The following GRAMD1B variants were observed in gnomAD, a reference collection of about 807,000 sequenced individuals.
GRAMD1B encodes protein Aster-B.
A neutral mutation model predicts 99.7 loss-of-function variants in GRAMD1B; 37 were observed. That is an observed-to-expected ratio of 0.37 (90% CI 0.29 to 0.49). GRAMD1B has a LOEUF of 0.49. Ranked by LOEUF, GRAMD1B falls within the 20% of genes least tolerant of loss-of-function variation. The probability of loss-of-function intolerance (pLI) is 0.98; values close to 1 mark genes in which losing one functional copy is unlikely to be tolerated. For missense variants in GRAMD1B, 888 were observed against 1,009.2 expected (o/e 0.88, Z 1.63); for synonymous variants, 427 against 387.6 (o/e 1.10, Z -1.19).
At chr11:123,482,440 A>G (rs543675379) in intron 2 of GRAMD1B, among the ~76,000 whole-genome samples, 2 of 152,272 alleles carry the variant, frequency 1.3e-5, no homozygotes, top group African/African-American at 4.8e-5. Context: ...GATCTTGTAT[A>G]TTTATGTTAG....
At chr11:123,513,100 A>G (rs976740600) in intron 2 of GRAMD1B, among the ~76,000 whole-genome samples, 2 of 152,176 alleles carry the variant, frequency 1.3e-5, no homozygotes, top group Non-Finnish European at 2.9e-5. Flanking sequence ...TTTCAATATC[A>G]CTTTTTAAAT....
chr11:123,397,223 G>A (rs1461496762), intron 1 of GRAMD1B, among the ~76,000 whole-genome samples: 1 of 152,062 alleles, frequency 6.6e-6, no homozygotes, highest in Non-Finnish European at 1.5e-5. Flanking sequence ...GGCCAACATG[G>A]CGAAATGCCA....
At chr11:123,503,920 A>T (rs1259937084) in intron 2 of GRAMD1B, among the ~76,000 whole-genome samples, 3 of 152,146 alleles carry the variant, frequency 2.0e-5, no homozygotes, top group African/African-American at 7.2e-5. Flanking sequence ...TATTATTATG[A>T]CCTCCATTTT....
chr11:123,575,525 G>A (rs917799044), intron 2 of GRAMD1B, among the ~76,000 whole-genome samples: 1 of 152,120 alleles, frequency 6.6e-6, no homozygotes, highest in Non-Finnish European at 1.5e-5. Flanking sequence ...TGGGACTAGA[G>A]GGTAGAGGTC....
intron 17 of GRAMD1B, among the ~76,000 whole-genome samples, chr11:123,616,429 G>A (rs566302195): frequency 6.6e-6 from 1 of 152,352 alleles, no homozygotes; most frequent in Admixed American, 6.5e-5. Flanking sequence ...TAAATCTCTT[G>A]TATTGGATTT....
intron 7 of GRAMD1B, among the ~76,000 whole-genome samples, chr11:123,596,858 G>T (rs1951336055): frequency 6.6e-6 from 1 of 152,194 alleles, no homozygotes; most frequent in Non-Finnish European, 1.5e-5. Context: ...GCAGATCAGT[G>T]CCTTCCTGGG....
chr11:123,403,636 C>T (rs187340746), intron 1 of GRAMD1B, among the ~76,000 whole-genome samples: 112 of 151,636 alleles, frequency 7.4e-4, no homozygotes, highest in African/African-American at 2.5e-3. Context: ...CTCTGCCTCC[C>T]GGGTTCAAGC....
chr11:123,483,158 A>AG lies in GRAMD1B; in HGVS notation c.452+2267dup, dbSNP rs1385071615. Among the ~76,000 whole-genome samples the AG allele has an allele frequency of 3.0e-4, 46 of 152,312 alleles. 2 individuals carry two copies. The highest frequency in any genetic ancestry group is 1.1e-3 in the African/African-American group (45 of 41,568). On this transcript the variant is annotated intron_variant, in intron 2 of 19. Transcript: ENST00000635736. Reference sequence around the variant, plus strand: ...AAGTCAGTGAGAAGGATTGCAGCTCAGGATAAGAAAGCACTCTTCCATGAT... The same window carrying AG: ...AAGTCAGTGAGAAGGATTGCAGCTCAGGGATAAGAAAGCACTCTTCCATGAT...
intron 4 of GRAMD1B, among the ~76,000 whole-genome samples, chr11:123,586,555 C>T (rs985114285): frequency 1.3e-5 from 2 of 152,226 alleles, no homozygotes; most frequent in Non-Finnish European, 2.9e-5. Context: ...CCTCGGGTGA[C>T]AGGGCACCCT....
At chr11:123,598,467 T>G in intron 7 of GRAMD1B, 1 of 1,026,284 alleles carries the variant, frequency 9.7e-7, no homozygotes, top group Admixed American at 1.7e-5. Context: ...CTCTACGTAT[T>G]CATAGATTTG....
At chr11:123,593,267 T>C (rs568879047) in intron 4 of GRAMD1B, among the ~76,000 whole-genome samples, 1 of 148,490 alleles carries the variant, frequency 6.7e-6, no homozygotes, top group East Asian at 1.9e-4. Flanking sequence ...ACAAACAAGA[T>C]TGTAAGCCCT....
rs112239933 is a variant in GRAMD1B, at chr11:123,550,536, C to T, written c.453-26831C>T. 4.4e-3 allele frequency among the ~76,000 whole-genome samples: 672 copies of T among 152,238 alleles called. 5 individuals carry two copies. The highest frequency in any genetic ancestry group is 0.014 in the African/African-American group (569 of 41,536). The stretch of plus-strand genomic sequence containing the variant: ...GCCCTGCTAACTGGCAAAGCCGGCT[C>T]GTTGTCTCTGGTTTAAAGGAAGAGT... On this transcript the variant is annotated intron_variant, in intron 2 of 19. Coordinates refer to ENST00000635736, the MANE Select transcript of GRAMD1B (RefSeq NM_001387025.1).
intron 1 of GRAMD1B, among the ~76,000 whole-genome samples, chr11:123,470,056 A>C (rs975384705): frequency 6.6e-6 from 1 of 152,184 alleles, no homozygotes; most frequent in African/African-American, 2.4e-5. Flanking sequence ...CTAATGACAT[A>C]GATAAGGACA....
At chr11:123,424,966 G>C (rs532649336) in intron 1 of GRAMD1B, among the ~76,000 whole-genome samples, 1 of 152,176 alleles carries the variant, frequency 6.6e-6, no homozygotes, top group Non-Finnish European at 1.5e-5. Flanking sequence ...TTCCTACGAA[G>C]GGTATTATAA....
chr11:123,555,475 A>G (rs1283368844), intron 2 of GRAMD1B, among the ~76,000 whole-genome samples: 1 of 152,060 alleles, frequency 6.6e-6, no homozygotes, highest in Admixed American at 6.6e-5. Flanking sequence ...CAGCCTCCCA[A>G]GTAGCTGGGA....
chr11:123,369,322 G>A (rs1455664887), intron 1 of GRAMD1B, among the ~76,000 whole-genome samples: 6 of 151,928 alleles, frequency 3.9e-5, no homozygotes, highest in African/African-American at 1.2e-4. Flanking sequence ...AAAGGAAATC[G>A]CTTGAATATG....
chr11:123,618,468 G>A, intron 17 of GRAMD1B: 1 of 967,760 alleles, frequency 1.0e-6, no homozygotes. Flanking sequence ...CCTTTCTAGT[G>A]CCTTCATCCC....
At position 123,508,331 on chromosome 11, in the gene GRAMD1B, C is replaced by G. The variant is rs144351806; in HGVS notation, c.452+27438C>G. On this transcript the variant is annotated intron_variant, in intron 2 of 19. Coordinates refer to ENST00000635736, the MANE Select transcript of GRAMD1B (RefSeq NM_001387025.1). ...GGGAGCCCACTCTTATGATAACTAA[C>G]TTATTTTCAGGATAAGTGTATCAAA... Among the ~76,000 whole-genome samples, 9 of 152,256 alleles carry G rather than the reference C, an allele frequency of 5.9e-5. No homozygotes were observed. In the East Asian group the frequency reaches 1.7e-3, roughly 29 times the overall value.
chr11:123,532,869 G>A (rs1281634723), intron 2 of GRAMD1B, among the ~76,000 whole-genome samples: 1 of 152,166 alleles, frequency 6.6e-6, no homozygotes, highest in Non-Finnish European at 1.5e-5. Flanking sequence ...GTTGCAACAG[G>A]TCTATGACTG....
Sources: allele counts gnomAD v4.1 joint callset (sites outside exome capture counted in the v4.1 genomes callset), GRCh38; gene constraint gnomAD v4.1.1; transcripts MANE v1.5; gene names NCBI Gene and HGNC (gene_info 2026-07-23, HGNC 2026-07-21).